The following CACNA2D3 variants were observed in gnomAD, a reference collection of about 807,000 sequenced individuals.
CACNA2D3 encodes calcium voltage-gated channel auxiliary subunit alpha2delta 3.
Under a neutral mutation model 160.6 loss-of-function variants are expected in CACNA2D3, and 60 were observed. That is an observed-to-expected ratio of 0.37 (90% CI 0.30 to 0.46). The LOEUF (loss-of-function observed/expected upper bound fraction) is 0.46. Ranked by LOEUF, CACNA2D3 falls within the 20% of genes least tolerant of loss-of-function variation. The probability of loss-of-function intolerance (pLI) is 1.00; values close to 1 mark genes in which losing one functional copy is unlikely to be tolerated. For synonymous variants in CACNA2D3, 558 were observed against 492.9 expected (o/e 1.13, Z -1.75); for missense variants, 1,205 against 1,365.0 (o/e 0.88, Z 1.85).
At chr3:54,363,501 C>T (rs910876321) in intron 3 of CACNA2D3, among the ~76,000 whole-genome samples, 1 of 152,126 alleles carries the variant, frequency 6.6e-6, no homozygotes, top group African/African-American at 2.4e-5. Flanking sequence ...TTAATAACTT[C>T]TTCTGGTCAG....
At chr3:54,589,281 C>T (rs927521578) in intron 9 of CACNA2D3, among the ~76,000 whole-genome samples, 18 of 152,146 alleles carry the variant, frequency 1.2e-4, no homozygotes, top group African/African-American at 3.1e-4. Flanking sequence ...GGAAGGATAT[C>T]TTTTCAACAA....
chr3:54,380,399 A>G (rs377763456), intron 3 of CACNA2D3, among the ~76,000 whole-genome samples: 1 of 152,222 alleles, frequency 6.6e-6, no homozygotes, highest in Non-Finnish European at 1.5e-5. Flanking sequence ...CATTAGTCCC[A>G]GGTACACACT....
At chr3:54,869,774 C>T (rs1226801614) in intron 17 of CACNA2D3, among the ~76,000 whole-genome samples, 1 of 152,214 alleles carries the variant, frequency 6.6e-6, no homozygotes, top group Non-Finnish European at 1.5e-5. Context: ...TCCGGTTGAC[C>T]TCGTTGCTGT....
intron 2 of CACNA2D3, among the ~76,000 whole-genome samples, chr3:54,206,571 A>G (rs560239801): frequency 3.3e-5 from 5 of 152,126 alleles, no homozygotes; most frequent in Non-Finnish European, 7.3e-5. Flanking sequence ...CCGCGACCCA[A>G]CCTTGAGAGG....
At chr3:54,214,917 T>C (rs954565554) in intron 2 of CACNA2D3, among the ~76,000 whole-genome samples, 5 of 152,200 alleles carry the variant, frequency 3.3e-5, no homozygotes, top group African/African-American at 1.2e-4. Context: ...GCCCTTTGGC[T>C]GGAGTCTTTC....
intron 11 of CACNA2D3, among the ~76,000 whole-genome samples, chr3:54,650,585 G>T (rs1054529158): frequency 2.0e-5 from 3 of 152,164 alleles, no homozygotes; most frequent in African/African-American, 4.8e-5. Flanking sequence ...GGCTGGTCTT[G>T]AACTTCTGAC....
At chr3:54,251,284 A>G (rs767779730) in intron 2 of CACNA2D3, among the ~76,000 whole-genome samples, 6 of 152,188 alleles carry the variant, frequency 3.9e-5, no homozygotes. Context: ...CTGCAAGAGT[A>G]GACTGAGGCC....
intron 13 of CACNA2D3, 140 bp downstream of exon 13, chr3:54,764,491 C>G: frequency 9.9e-7 from 1 of 1,005,254 alleles, no homozygotes; most frequent in Non-Finnish European, 1.4e-6. Flanking sequence ...TAGTGTTGGT[C>G]ACCTTGACAA....
intron 2 of CACNA2D3, among the ~76,000 whole-genome samples, chr3:54,188,231 AC>A (rs1471890041): frequency 2.0e-4 from 4 of 19,568 alleles, no homozygotes; most frequent in African/African-American, 9.1e-4. Context: ...GAACTTAAAA[AC>A]AAACAAACAA....
intron 35 of CACNA2D3, among the ~76,000 whole-genome samples, chr3:55,020,962 T>C (rs1703434403): frequency 6.6e-6 from 1 of 152,230 alleles, no homozygotes; most frequent in Admixed American, 6.5e-5. Flanking sequence ...TTTTCTTCCT[T>C]GCACTGTCAT....
intron 14 of CACNA2D3, 51 bp from the exon 15 acceptor site, chr3:54,837,108 A>G (rs1026726954): frequency 2.0e-6 from 3 of 1,530,062 alleles, no homozygotes; most frequent in African/African-American, 1.4e-5. Context: ...GGCCTCCAGA[A>G]CTGTGGTTTC....
rs62256163 is a variant in CACNA2D3, at chr3:54,985,182, G to A, written c.2619+512G>A. Among the ~76,000 whole-genome samples the A allele has an allele frequency of 9.5e-3, 1,451 of 152,246 alleles. 8 individuals carry two copies. The highest frequency in any genetic ancestry group is 0.014 in the Non-Finnish European group (925 of 68,022). On this transcript the variant is annotated intron_variant, in intron 30 of 37. Transcript: ENST00000474759. ...AACAGCTTGGGCTCTCAACACCGAG[G>A]GACAAGGGTCCAGAGATAGAAGAGG...
chr3:54,891,299 G>A, intron 24 of CACNA2D3, 56 bp from the exon 25 acceptor site: 6 of 1,176,998 alleles, frequency 5.1e-6, no homozygotes, highest in Non-Finnish European at 5.0e-6. Flanking sequence ...AAAATGCAAT[G>A]TATTATCTGC....
At chr3:54,843,656 T>G (rs539472382) in intron 16 of CACNA2D3, among the ~76,000 whole-genome samples, 3 of 152,334 alleles carry the variant, frequency 2.0e-5, no homozygotes, top group Admixed American at 2.0e-4. Context: ...TATCTTTGAC[T>G]TGGATCAACC....
intron 2 of CACNA2D3, among the ~76,000 whole-genome samples, chr3:54,290,786 A>T (rs1170174162): frequency 2.6e-5 from 4 of 152,140 alleles, no homozygotes; most frequent in Non-Finnish European, 5.9e-5. Flanking sequence ...GGAAACCATC[A>T]TTCTCAGCAA....
intron 12 of CACNA2D3, among the ~76,000 whole-genome samples, chr3:54,759,624 G>C (rs1702044054): frequency 6.6e-6 from 1 of 151,994 alleles, no homozygotes; most frequent in African/African-American, 2.4e-5. Flanking sequence ...CTGCATCCCT[G>C]GTCTACATAG....
At chr3:55,017,530 C>T (rs1431003467) in intron 34 of CACNA2D3, among the ~76,000 whole-genome samples, 1 of 152,194 alleles carries the variant, frequency 6.6e-6, no homozygotes, top group African/African-American at 2.4e-5. Flanking sequence ...TTACTTCTCA[C>T]ATCAACCTCT....
At chr3:54,845,300 G>A (rs1698909574) in intron 16 of CACNA2D3, among the ~76,000 whole-genome samples, 1 of 152,056 alleles carries the variant, frequency 6.6e-6, no homozygotes, top group Admixed American at 6.6e-5. Flanking sequence ...AGGCAGACAG[G>A]GTCATTCCTG....
rs1400556783 is a variant in CACNA2D3 at position 54,636,843 on chromosome 3, T to G, written c.1054-5285T>G. Among the ~76,000 whole-genome samples, 6 of 152,046 alleles carry G rather than the reference T, an allele frequency of 3.9e-5. 1 individual carries two copies. ...TGGGCTTGACTGAAGTAATGGGGGC[T>G]GTCTGTGAAGCCTTGTGGCAGTACA... On this transcript the variant is annotated intron_variant, in intron 10 of 37. Coordinates refer to ENST00000474759, the MANE Select transcript of CACNA2D3 (RefSeq NM_018398.3).
Sources: gnomAD v4.1 joint callset for allele counts (sites outside exome capture counted in the v4.1 genomes callset) on GRCh38, gnomAD v4.1.1 for gene constraint, MANE v1.5 for transcripts, NCBI Gene and HGNC (gene_info 2026-07-23, HGNC 2026-07-21) for gene names.